The following NOP58 variants were observed in gnomAD, a reference collection of about 807,000 sequenced individuals.
NOP58 encodes NOP58 ribonucleoprotein.
A neutral mutation model predicts 71.2 loss-of-function variants in NOP58; 44 were observed. That is an observed-to-expected ratio of 0.62 (90% confidence interval 0.49 to 0.79). NOP58 has a LOEUF of 0.79. NOP58 is among the 30% of genes least tolerant of loss of function. NOP58 has a pLI of 0.00. For missense variants in NOP58, 538 were observed against 620.2 expected, an observed-to-expected ratio of 0.87 and a Z score of 1.41; for synonymous variants, 228 against 200.3, an observed-to-expected ratio of 1.14 and a Z score of -1.17.
intron 1 of NOP58, among the ~76,000 whole-genome samples, chr2:202,272,860 C>T (rs1688532006): frequency 6.6e-6 from 1 of 152,232 alleles, no homozygotes; most frequent in Non-Finnish European, 1.5e-5. Context: ...TTCGGCCTGG[C>T]GGGGTGGCTC....
intron 1 of NOP58, 37 bp downstream of exon 1, chr2:202,266,023 G>T: frequency 6.2e-7 from 1 of 1,609,984 alleles, no homozygotes; most frequent in Non-Finnish European, 8.5e-7. Context: ...GGGGAAGGCG[G>T]ATGCTGGACA....
Position 202,303,032 on chromosome 2 carries a change from A to C in NOP58, c.1514A>C (p.Glu505Ala). 6.2e-7 allele frequency: 1 copy of C among 1,612,512 alleles called. No individual in the cohort carries two copies. ...HIKEEPLSEE[E>A]PCTSTAIASP... ...AAGGAAGAACCACTTTCTGAGGAAG[A>C]ACCATGTACCAGCACAGCAATTGCT... The change falls in exon 14 of 15, where the codon GAA becomes GCA. Residue 505 changes from glutamate (E) to alanine (A), a missense_variant. By Grantham distance (107) the Glu-to-Ala change is moderately radical (BLOSUM62 -1). Transcript: ENST00000264279.
At chr2:202,289,784 T>C (rs897287832) in intron 6 of NOP58, among the ~76,000 whole-genome samples, 15 of 151,474 alleles carry the variant, frequency 9.9e-5, no homozygotes, top group African/African-American at 3.6e-4. Context: ...TAACTAGAGG[T>C]TGGGGGGAAG....
chr2:202,280,522 G>C (rs909375636), intron 3 of NOP58, among the ~76,000 whole-genome samples: 21 of 152,064 alleles, frequency 1.4e-4, no homozygotes, highest in Admixed American at 2.6e-4. Flanking sequence ...TAGTAGAGAC[G>C]GGGTTTTGCC....
rs767160033 is a variant in NOP58, at chr2:202,292,850, A to G, written c.854A>G (p.Asn285Ser). Residue 285 changes from asparagine to serine, a missense_variant, in exon 9 of 15, where the codon AAT becomes AGT. Transcript: ENST00000264279. ...AATCGAATGATGGCCATTGCACCCA[A>G]TGTTACAGTCATGGTTGGGGAATTA... ...LQNRMMAIAP[N>S]VTVMVGELVG... is the part of the protein sequence containing the mutation. The G allele has an allele frequency of 2.7e-5, 43 of 1,613,736 alleles. No homozygotes were observed. Among genetic ancestry groups the G allele is most frequent in the Non-Finnish European group, 3.2e-5 (38 of 1,179,714 alleles).
intron 13 of NOP58, 136 bp downstream of exon 13, chr2:202,300,503 C>T (rs1265193389): frequency 4.7e-6 from 3 of 643,814 alleles, no homozygotes; most frequent in African/African-American, 1.9e-5. Flanking sequence ...TTTAATAATG[C>T]CATTATGTTC....
At chr2:202,275,266 A>G in intron 2 of NOP58, 77 bp downstream of exon 2, 1 of 735,544 alleles carries the variant, frequency 1.4e-6, no homozygotes, top group Non-Finnish European at 2.3e-6. Flanking sequence ...TCCCTGATTT[A>G]TATAATGTTA....
chr2:202,295,822 C>G lies in NOP58; in HGVS notation c.1056C>G (p.Pro352=). The G allele has an allele frequency of 6.3e-7, 1 of 1,579,938 alleles. No individual in the cohort carries two copies. Among genetic ancestry groups the G allele is most frequent in the Admixed American group, 2.0e-5 (1 of 50,928 alleles). Residue 352 remains proline, a synonymous_variant, in exon 10 of 15, where the codon CCC becomes CCG. Coordinates refer to ENST00000264279, the MANE Select transcript of NOP58 (RefSeq NM_015934.5). ...CTTCACTCGTGGGCCAGACAAGTCCCAAACACAAAGGAAAGGTGTGTTATA... is the reference window on the plus strand; with the variant it reads ...CTTCACTCGTGGGCCAGACAAGTCCGAAACACAAAGGAAAGGTGTGTTATA... The part of the protein sequence containing the change: ...YHASLVGQTS[P]KHKGKISRML...
intron 1 of NOP58, among the ~76,000 whole-genome samples, chr2:202,266,718 A>G (rs1377292330): frequency 6.6e-6 from 1 of 152,248 alleles, no homozygotes; most frequent in Non-Finnish European, 1.5e-5. Context: ...GGCAGCAAGA[A>G]TACTTTTGCA....
In NOP58 at chr2:202,303,502, C is replaced by A; in HGVS notation, c.*66C>A. ...GCTTAAGATTCAACTGGGAGCATAC[C>A]AGGGATGCTCTCTAACGTAATCAAG... On this transcript the variant is annotated 3_prime_UTR_variant, in exon 15 of 15. Transcript: ENST00000264279. 6.4e-7 allele frequency: 1 copy of A among 1,553,532 alleles called. No individual in the cohort carries two copies. Among genetic ancestry groups the A allele is most frequent in the South Asian group, 1.2e-5 (1 of 84,496 alleles).
At position 202,284,342 on chromosome 2, in the gene NOP58, T is replaced by C; in HGVS notation, c.298-3T>C. ...TTTAATATAGATGTTCATGTTCTTG[T>C]AGGAAAAGCTGAATCTCAGTTGTAT... On this transcript the variant is annotated splice_region_variant and splice_polypyrimidine_tract_variant and intron_variant, in intron 4 of 14. Transcript: ENST00000264279. The C allele has an allele frequency of 6.3e-7, 1 of 1,593,378 alleles. No homozygotes were observed. The highest frequency in any genetic ancestry group is 8.5e-7 in the Non-Finnish European group (1 of 1,170,964).
chr2:202,290,183 T>G (rs969752637), intron 6 of NOP58, 140 bp from the exon 7 acceptor site: 15 of 618,190 alleles, frequency 2.4e-5, no homozygotes, highest in Non-Finnish European at 4.0e-5. Flanking sequence ...CTTGAACTTC[T>G]GACTTCGTGA....
At position 202,291,968 on chromosome 2, in the gene NOP58, C is replaced by CTTTTTTTTT. The variant is rs869075798; in HGVS notation, c.780+726_780+734dup. Among the ~76,000 whole-genome samples, 50 of 43,960 alleles carry CTTTTTTTTT rather than the reference C, an allele frequency of 1.1e-3. 19 individuals carry two copies. The highest frequency in any genetic ancestry group is 4.7e-3 in the East Asian group (4 of 860). The allele number at this position is 43,960 out of a possible 152,430, so 28.8% of individuals were successfully genotyped here. On this transcript the variant is annotated intron_variant, in intron 8 of 14. Coordinates refer to ENST00000264279, the MANE Select transcript of NOP58 (RefSeq NM_015934.5). ...GATACAAATGTTTATTGCTCAGAAT[C>CTTTTTTTTT]TTTTTTTTTTTTTTTTTTTTTTTTT...
chr2:202,269,598 C>T (rs572503260), intron 1 of NOP58, among the ~76,000 whole-genome samples: 2 of 151,970 alleles, frequency 1.3e-5, no homozygotes, highest in Admixed American at 6.6e-5. Flanking sequence ...AGCCTGTGGC[C>T]GAGAGCAGTG....
At chr2:202,303,316 A>G (rs1376569103) in intron 14 of NOP58, 70 bp from the exon 15 acceptor site, 1 of 1,582,894 alleles carries the variant, frequency 6.3e-7, no homozygotes, top group Non-Finnish European at 8.6e-7. Flanking sequence ...TGGGGTTTTT[A>G]TATTTTCAAT....
intron 11 of NOP58, 136 bp downstream of exon 11, chr2:202,297,649 TG>T: frequency 1.1e-6 from 1 of 928,166 alleles, no homozygotes; most frequent in Non-Finnish European, 1.6e-6. Context: ...TTGTGCCTAC[TG>T]TTAACAATTG....
At chr2:202,276,912 G>A (rs1013184229) in intron 2 of NOP58, among the ~76,000 whole-genome samples, 3 of 152,090 alleles carry the variant, frequency 2.0e-5, no homozygotes, top group Non-Finnish European at 4.4e-5. Context: ...GTCGAGGTGG[G>A]TGGATCACAA....
chr2:202,271,436 A>G (rs1458501528), intron 1 of NOP58, among the ~76,000 whole-genome samples: 1 of 150,912 alleles, frequency 6.6e-6, no homozygotes, highest in Non-Finnish European at 1.5e-5. Context: ...GCATGGCAGC[A>G]TGTGCCTGTA....
intron 3 of NOP58, among the ~76,000 whole-genome samples, chr2:202,280,299 A>AAT (rs1688678816): frequency 6.6e-6 from 1 of 152,170 alleles, no homozygotes; most frequent in South Asian, 2.1e-4. Flanking sequence ...CAGCCTGGGC[A>AAT]ATATAGCAAG....
Sources: allele counts gnomAD v4.1 joint callset (sites outside exome capture counted in the v4.1 genomes callset), GRCh38; gene constraint gnomAD v4.1.1; transcripts MANE v1.5; gene names NCBI Gene and HGNC (gene_info 2026-07-23, HGNC 2026-07-21).